Variants in DOK1 observed in about 807,000 individuals in gnomAD.
The protein encoded by DOK1 is docking protein 1, also known as Downstream of tyrosine kinase 1.
A neutral mutation model predicts 24.0 loss-of-function variants in DOK1; 12 were observed. The ratio of observed to expected loss-of-function variants is 0.50; its 90% CI spans 0.32 to 0.81. The LOEUF (loss-of-function observed/expected upper bound fraction) is 0.81, where lower values mean the gene tolerates loss of function less well. Among genes scored for constraint, DOK1 ranks in the 30% least tolerant of loss-of-function variants. DOK1 has a pLI of 0.03. For synonymous variants in DOK1, 250 were observed against 260.9 expected (o/e 0.96, Z 0.40); for missense variants, 591 against 620.7 (o/e 0.95, Z 0.51).
At chr2:74,549,852 C>CA, upstream of DOK1, 1 of 985,270 alleles carries the variant, frequency 1.0e-6, no homozygotes, top group Non-Finnish European at 1.2e-6. The surrounding 1 kb of genome is among the most constrained non-coding windows in gnomAD (Gnocchi z 5.3). Flanking sequence ...GGGAGCACTT[C>CA]AAAAAGGAAA....
At chr2:74,554,410 G>GATCATTAACAAA, upstream of DOK1, 1 of 314,574 alleles carries the variant, frequency 3.2e-6, no homozygotes, top group South Asian at 4.5e-5. This position sits in a 1 kb window ranked among gnomAD's most constrained non-coding sequence, Gnocchi z 4.9. Flanking sequence ...GGCGCTTTCG[G>GATCATTAACAAA]GGTGATGTCA....
chr2:74,555,715 G>C lies in DOK1; in HGVS notation c.454+47G>C, dbSNP rs778866704. ...GCAGGGATGGAGTGAAGAGGAGGAGGGCCGAGGGCCTTTGGGAAGTGGGTG... is the reference window on the plus strand; with the variant it reads ...GCAGGGATGGAGTGAAGAGGAGGAGCGCCGAGGGCCTTTGGGAAGTGGGTG... On this transcript the variant is annotated intron_variant, in intron 3 of 4. Coordinates refer to ENST00000233668, the MANE Select transcript of DOK1 (RefSeq NM_001381.5). The surrounding 1 kb of genome is among the most constrained non-coding windows in gnomAD (Gnocchi z 6.1). 1 of 1,611,774 alleles carries C rather than the reference G, an allele frequency of 6.2e-7. No individual in the cohort carries two copies. The highest frequency in any genetic ancestry group is 8.5e-7 in the Non-Finnish European group (1 of 1,179,240).
chr2:74,554,401 G>A (rs1375784513), upstream of DOK1: 4 of 277,120 alleles, frequency 1.4e-5, no homozygotes, highest in East Asian at 2.6e-4. This position sits in a 1 kb window ranked among gnomAD's most constrained non-coding sequence, Gnocchi z 4.9. Context: ...GGTGCCCGGG[G>A]CGCTTTCGGG....
upstream of DOK1, chr2:74,554,420 A>T: frequency 2.8e-6 from 1 of 359,756 alleles, no homozygotes; most frequent in East Asian, 5.9e-5. The surrounding 1 kb of genome is among the most constrained non-coding windows in gnomAD (Gnocchi z 4.9). Flanking sequence ...GGGTGATGTC[A>T]TGGCTTTCAC....
chr2:74,549,695 G>C lies in DOK1; in HGVS notation c.-358+523G>C. The C allele has an allele frequency of 6.9e-7, 1 of 1,450,786 alleles. No individual in the cohort carries two copies. Among genetic ancestry groups the C allele is most frequent in the Non-Finnish European group, 9.1e-7 (1 of 1,098,184 alleles). The allele number at this position is 1,450,786 out of a possible 1,614,324, so 89.9% of individuals were successfully genotyped here. ...CTGCTGTAAACCCAGTGGCGGGATGGGCCCGAGGCGGCGCTGAGAGAGCGG... is the reference window on the plus strand; with the variant it reads ...CTGCTGTAAACCCAGTGGCGGGATGCGCCCGAGGCGGCGCTGAGAGAGCGG... On this transcript the variant is annotated intron_variant, in intron 1 of 4. Transcript: ENST00000409429. This position sits in a 1 kb window ranked among gnomAD's most constrained non-coding sequence, Gnocchi z 5.3.
chr2:74,556,556 T>G lies in DOK1; in HGVS notation c.888T>G (p.Tyr296Ter). The part of the protein sequence containing the change: ...QELLDSPPAL[Y>*]AEPLDSLRIA... ...TCCTCGACAGTCCCCCAGCCCTGTA[T>G]GCTGAGCCCTTAGACTCCCTGCGCA... is the stretch of plus-strand genomic sequence containing the variant. Residue 296 changes from tyrosine to a stop codon, truncating the protein, a stop_gained, in exon 5 of 5, where the codon TAT (tyrosine) becomes TAG (stop). Transcript: ENST00000233668. LOFTEE classifies it high-confidence loss of function. The surrounding 1 kb of genome is among the most constrained non-coding windows in gnomAD (Gnocchi z 4.1). 1 of 1,614,210 alleles carries G rather than the reference T, an allele frequency of 6.2e-7. No homozygotes were observed. Among genetic ancestry groups the G allele is most frequent in the Non-Finnish European group, 8.5e-7 (1 of 1,180,030 alleles).
chr2:74,553,139 G>A (rs919132496), upstream of DOK1: 1 of 155,580 alleles, frequency 6.4e-6, no homozygotes, highest in Non-Finnish European at 1.4e-5. Flanking sequence ...AGAGCCAAGG[G>A]GCGGACGTGG....
Position 74,549,235 on chromosome 2 carries a change from G to T in DOK1, c.-358+63G>T. ...TTCCCAACTCTCCAGCTTTGCAACG[G>T]CCTCCATATTTTCCCGCGCGTCCCG... On this transcript the variant is annotated intron_variant, in intron 1 of 4. Transcript: ENST00000409429. The surrounding 1 kb of genome is among the most constrained non-coding windows in gnomAD (Gnocchi z 5.3). 1 of 982,716 alleles carries T rather than the reference G, an allele frequency of 1.0e-6. No homozygotes were observed. The highest frequency in any genetic ancestry group is 1.4e-6 in the Non-Finnish European group (1 of 696,652). 60.9% of individuals were successfully genotyped at this position (982,716 alleles called of 1,614,324 possible).
Position 74,557,328 on chromosome 2 carries a change from C to T in DOK1, c.*214C>T. 1.9e-6 allele frequency: 1 copy of T among 524,064 alleles called. No individual in the cohort carries two copies. Among genetic ancestry groups the T allele is most frequent in the Non-Finnish European group, 3.4e-6 (1 of 296,568 alleles). The allele number at this position is 524,064 out of a possible 1,614,324, so 32.5% of individuals were successfully genotyped here. On this transcript the variant is annotated 3_prime_UTR_variant, in exon 5 of 5. Coordinates refer to ENST00000233668, the MANE Select transcript of DOK1 (RefSeq NM_001381.5). Reference sequence around the variant, plus strand: ...GCAGGGCTGAGGATGGGCTCTGCATCCCCCAAAGCCATCCCTTCCCTACTT... The same window carrying T: ...GCAGGGCTGAGGATGGGCTCTGCATTCCCCAAAGCCATCCCTTCCCTACTT...
upstream of DOK1, among the ~76,000 whole-genome samples, chr2:74,553,649 C>A (rs1029182243): frequency 2.0e-5 from 3 of 152,162 alleles, no homozygotes; most frequent in Admixed American, 1.3e-4. Context: ...CCGGAGGAGC[C>A]CCCTCCCTTA....
At position 74,555,219 on chromosome 2, in the gene DOK1, C is replaced by A. The variant is rs772969140; in HGVS notation, c.126C>A (p.Phe42Leu). The change falls in exon 2 of 5, where the codon TTC becomes TTA. Residue 42 changes from phenylalanine to leucine, a missense_variant. Coordinates refer to ENST00000233668, the MANE Select transcript of DOK1 (RefSeq NM_001381.5). The surrounding 1 kb of genome is among the most constrained non-coding windows in gnomAD (Gnocchi z 6.1). The part of the protein sequence containing the change: ...ASPHGVARLE[F>L]FDHKGSSSGG... ...CCCACGGCGTAGCGCGGCTCGAGTT[C>A]TTTGACCATAAGGGGTCGAGCTCTG... is the stretch of plus-strand genomic sequence containing the variant. 6.2e-7 allele frequency: 1 copy of A among 1,613,708 alleles called. No individual in the cohort carries two copies. The highest frequency in any genetic ancestry group is 8.5e-7 in the Non-Finnish European group (1 of 1,180,028).
Position 74,557,019 on chromosome 2 carries a change from C to T in DOK1, c.1351C>T (p.Gln451Ter). The T allele has an allele frequency of 6.2e-7, 1 of 1,614,234 alleles. No individual in the cohort carries two copies. The highest frequency in any genetic ancestry group is 1.1e-5 in the South Asian group (1 of 91,092). Reference sequence around the variant, plus strand: ...AAGCCACAACTCAGCCCTGTACAGCCAGGTCCAGAAGAGCGGGGCCTCAGG... The same window carrying T: ...AAGCCACAACTCAGCCCTGTACAGCTAGGTCCAGAAGAGCGGGGCCTCAGG... ...IKSHNSALYS[Q>*]VQKSGASGSW... Residue 451 changes from glutamine (Q) to a stop codon, truncating the protein, a stop_gained, in exon 5 of 5, where the codon CAG (glutamine) becomes TAG (stop). Coordinates refer to ENST00000233668, the MANE Select transcript of DOK1 (RefSeq NM_001381.5). LOFTEE classifies it low-confidence loss of function (END_TRUNC).
chr2:74,550,810 G>A (rs762189112), upstream of DOK1, among the ~76,000 whole-genome samples: 22 of 152,186 alleles, frequency 1.4e-4, no homozygotes, highest in Non-Finnish European at 2.4e-4. Flanking sequence ...GGGGGCTTAG[G>A]AGTTTGATCT....
At chr2:74,550,418 G>A, upstream of DOK1, 1 of 1,528,056 alleles carries the variant, frequency 6.5e-7, no homozygotes, top group East Asian at 2.3e-5. Flanking sequence ...GGGATGTAGG[G>A]AAGAGTGAGT....
upstream of DOK1, among the ~76,000 whole-genome samples, chr2:74,551,645 T>C (rs539134431): frequency 6.6e-6 from 1 of 152,386 alleles, no homozygotes; most frequent in South Asian, 2.1e-4. Context: ...CATTTTCTAC[T>C]GTCCCTCTTA....
upstream of DOK1, chr2:74,552,618 A>G (rs753385364): frequency 1.3e-6 from 2 of 1,570,178 alleles, no homozygotes; most frequent in East Asian, 4.6e-5. Flanking sequence ...CCACTGCCAG[A>G]CACTGACAGG....
Position 74,556,187 on chromosome 2 carries a change from C to T in DOK1, c.639+109C>T, listed in dbSNP as rs1677451181. 9 of 1,530,438 alleles carry T rather than the reference C, an allele frequency of 5.9e-6. No homozygotes were observed. In the South Asian group the frequency reaches 7.7e-5, roughly 13 times the overall value. 94.8% of individuals were successfully genotyped at this position (1,530,438 alleles called of 1,614,324 possible). A position where few individuals can be genotyped will look rare whatever the true frequency, so the allele number is the denominator to read the frequency against. ...TTTGGATCCCCCTTTCTTGCCTACC[C>T]GGTGACCCCGCGTCTGTTCGCAGGT... On this transcript the variant is annotated intron_variant, in intron 4 of 4. Transcript: ENST00000233668. The surrounding 1 kb of genome is among the most constrained non-coding windows in gnomAD (Gnocchi z 4.1).
rs1489014645 is a variant in DOK1, at chr2:74,556,328, C to T, written c.660C>T (p.Ala220=). 1.2e-5 allele frequency: 19 copies of T among 1,612,446 alleles called. No homozygotes were observed. Among genetic ancestry groups the T allele is most frequent in the Middle Eastern group, 1.6e-4 (1 of 6,080 alleles). The change falls in exon 5 of 5, where the codon GCC becomes GCT. Residue 220 remains alanine (A), a synonymous_variant. Coordinates refer to ENST00000233668, the MANE Select transcript of DOK1 (RefSeq NM_001381.5). This position sits in a 1 kb window ranked among gnomAD's most constrained non-coding sequence, Gnocchi z 4.1. The part of the protein sequence containing the change: ...GRDKVMFSFE[A]GRRCPSGPGT... ...CTTAGGTCATGTTCTCTTTCGAGGC[C>T]GGCCGCCGCTGCCCCTCAGGCCCTG... is the stretch of plus-strand genomic sequence containing the variant.
At chr2:74,551,374 C>A (rs1341137821), upstream of DOK1, among the ~76,000 whole-genome samples, 17 of 152,238 alleles carry the variant, frequency 1.1e-4, no homozygotes, top group Admixed American at 1.1e-3. Flanking sequence ...CTAGCTCCTG[C>A]CCCACCAGAC....
Sources: gnomAD v4.1 joint callset for allele counts (sites outside exome capture counted in the v4.1 genomes callset) on GRCh38, gnomAD v4.1.1 for gene constraint, Gnocchi (gnomAD v3.1) non-coding constraint, MANE v1.5 for transcripts, NCBI Gene and HGNC (gene_info 2026-07-23, HGNC 2026-07-21) for gene names.